CCDC187: variants seen among roughly 807,000 people sequenced by gnomAD.
CCDC187 encodes the protein coiled-coil domain-containing protein 187.
CCDC187 carries 32 observed loss-of-function variants against 38.0 expected under a neutral mutation model. The ratio of observed to expected loss-of-function variants is 0.84; its 90% confidence interval spans 0.64 to 1.13. The LOEUF is 1.13. CCDC187 is among the 50% of genes most tolerant of loss of function. The pLI, the probability that CCDC187 is intolerant of heterozygous loss-of-function variation, is 0.00. For missense variants in CCDC187, 707 were observed against 786.8 expected, an observed-to-expected ratio of 0.90 and a Z score of 1.21; for synonymous variants, 333 against 347.9, an observed-to-expected ratio of 0.96 and a Z score of 0.48.
Position 136,252,987 on chromosome 9 carries a change from GGA to G in CCDC187, c.*605_*606del, listed in dbSNP as rs1554759757. On this transcript the variant is annotated 3_prime_UTR_variant, in exon 26 of 26. Transcript: ENST00000638797. ...CTGGCGGCCAAGGGCACTTGGCCTGGGAGAGAGGCTGCCGGGGCTGCCAACCA... is the reference window on the plus strand; with the variant it reads ...CTGGCGGCCAAGGGCACTTGGCCTGGGAGAGGCTGCCGGGGCTGCCAACCA... 1 of 152,606 alleles carries G rather than the reference GGA, an allele frequency of 6.6e-6. No individual in the cohort carries two copies. The highest frequency in any genetic ancestry group is 1.5e-5 in the Non-Finnish European group (1 of 68,376). 9.5% of individuals were successfully genotyped at this position (152,606 alleles called of 1,614,324 possible). A position where few individuals can be genotyped will look rare whatever the true frequency, so the allele number is the denominator to read the frequency against.
At position 136,253,523 on chromosome 9, in the gene CCDC187, G is replaced by A. The variant is rs1459850087; in HGVS notation, c.*71C>T. The A allele has an allele frequency of 1.2e-6, 1 of 869,186 alleles. No individual in the cohort carries two copies. Among genetic ancestry groups the A allele is most frequent in the Non-Finnish European group, 1.4e-6 (1 of 723,836 alleles). The allele number at this position is 869,186 out of a possible 1,614,324, so 53.8% of individuals were successfully genotyped here. ...GCTGCCTCCGGCCTCATCCCCTGCT[G>A]CAGAACTGCATCTACCCAACTGGTC... On this transcript the variant is annotated 3_prime_UTR_variant, in exon 26 of 26. Transcript: ENST00000638797.
At chr9:136,261,471 T>C (rs1830677988) in intron 19 of CCDC187, among the ~76,000 whole-genome samples, 1 of 146,542 alleles carries the variant, frequency 6.8e-6, no homozygotes, top group South Asian at 2.1e-4. Flanking sequence ...TCTGCAACCA[T>C]ACATGTACCG....
intron 19 of CCDC187, among the ~76,000 whole-genome samples, chr9:136,261,510 CCCTGGGGGA>C (rs1830678728): frequency 6.6e-6 from 1 of 152,202 alleles, no homozygotes; most frequent in African/African-American, 2.4e-5. Context: ...TATAAGCAAA[CCCTGGGGGA>C]CCAAGGGGCG....
chr9:136,273,928 T>C (rs561510214), intron 14 of CCDC187, among the ~76,000 whole-genome samples: 1 of 152,350 alleles, frequency 6.6e-6, no homozygotes, highest in South Asian at 2.1e-4. Flanking sequence ...TGTGGTGGTC[T>C]TGCCGCTCCA....
At position 136,258,893 on chromosome 9, in the gene CCDC187, G is replaced by C; in HGVS notation, c.4366+39C>G. 1 of 985,582 alleles carries C rather than the reference G, an allele frequency of 1.0e-6. No individual in the cohort carries two copies. Among genetic ancestry groups the C allele is most frequent in the Non-Finnish European group, 1.2e-6 (1 of 830,066 alleles). The allele number at this position is 985,582 out of a possible 1,614,324, so 61.1% of individuals were successfully genotyped here. The stretch of plus-strand genomic sequence containing the variant: ...CTGCTGGATGTGGGGGAAGTGTCTG[G>C]CGCCGTGGAGGCCCACGCGGTGTTT... On this transcript the variant is annotated intron_variant, in intron 22 of 25. Coordinates refer to ENST00000638797, the MANE Select transcript of CCDC187 (RefSeq NM_001378188.1). This position sits in a 1 kb window ranked among gnomAD's most constrained non-coding sequence, Gnocchi z 4.3.
At chr9:136,292,994 G>A (rs1052599294) in intron 4 of CCDC187, among the ~76,000 whole-genome samples, 42 of 152,320 alleles carry the variant, frequency 2.8e-4, no homozygotes, top group African/African-American at 9.6e-4. Context: ...CACGGCCACC[G>A]ATGCCAACAC....
chr9:136,291,732 G>A (rs1451891921), intron 5 of CCDC187, 87 bp from the exon 6 acceptor site: 4 of 398,242 alleles, frequency 1.0e-5, no homozygotes, highest in African/African-American at 2.1e-5. Flanking sequence ...GGCAAGGAGT[G>A]TGGGGGCGGT....
chr9:136,267,927 C>T (rs1308688735), intron 15 of CCDC187, 122 bp downstream of exon 15: 3 of 985,418 alleles, frequency 3.0e-6, no homozygotes, highest in African/African-American at 3.5e-5. Flanking sequence ...CCGGAAGAAC[C>T]TCCCAACCCA....
Position 136,256,730 on chromosome 9 carries a change from C to A in CCDC187, c.4478G>T (p.Gly1493Val), listed in dbSNP as rs2131111904. 6.6e-6 allele frequency: 1 copy of A among 152,340 alleles called. No homozygotes were observed. The highest frequency in any genetic ancestry group is 2.1e-4 in the South Asian group (1 of 4,828). 9.4% of individuals were successfully genotyped at this position (152,340 alleles called of 1,614,324 possible). ...GCTGGCTTCTTGTGGGCCACAAGGA[C>A]CTTCTCTGCCGCAGGAGCGTCGGCT... is the stretch of plus-strand genomic sequence containing the variant. ...ERSRRSCGREGPCGPQEASQV... is the reference protein window; with the variant it reads ...ERSRRSCGREVPCGPQEASQV... Residue 1493 changes from glycine to valine, a missense_variant, in exon 23 of 26, where the codon GGT becomes GTT. Coordinates refer to ENST00000638797, the MANE Select transcript of CCDC187 (RefSeq NM_001378188.1).
In CCDC187 at chr9:136,254,499, C is replaced by T; in HGVS notation, c.5329G>A (p.Ala1777Thr). The T allele has an allele frequency of 1.0e-6, 1 of 985,472 alleles. No individual in the cohort carries two copies. Among genetic ancestry groups the T allele is most frequent in the Non-Finnish European group, 1.2e-6 (1 of 829,946 alleles). The allele number at this position is 985,472 out of a possible 1,614,324, so 61.0% of individuals were successfully genotyped here. Residue 1777 changes from alanine (A) to threonine (T), a missense_variant, in exon 26 of 26, where the codon GCC becomes ACC. Ala to Thr is a moderately conservative substitution (Grantham distance 58). Coordinates refer to ENST00000638797, the MANE Select transcript of CCDC187 (RefSeq NM_001378188.1). ...EEDLPEPCTG[A>T]KPASGSSLPA... ...AGGGAGCTCCCCGAGGCTGGCTTGGCCCCGGTACAGGGTTCTGGCAGGTCC... is the reference window on the plus strand; with the variant it reads ...AGGGAGCTCCCCGAGGCTGGCTTGGTCCCGGTACAGGGTTCTGGCAGGTCC...
At chr9:136,297,554 C>A (rs1831566061) in intron 4 of CCDC187, among the ~76,000 whole-genome samples, 160 bp downstream of exon 4, 1 of 152,126 alleles carries the variant, frequency 6.6e-6, no homozygotes, top group Non-Finnish European at 1.5e-5. Context: ...GACGCTCCAG[C>A]CGGGCCTGCC....
intron 24 of CCDC187, 72 bp from the exon 25 acceptor site, chr9:136,255,805 A>G: frequency 1.3e-6 from 1 of 782,324 alleles, no homozygotes; most frequent in South Asian, 5.7e-5. Flanking sequence ...GCCCACTGTC[A>G]GGGACCCCAC....
intron 19 of CCDC187, among the ~76,000 whole-genome samples, chr9:136,261,196 G>T (rs140044213): frequency 3.9e-5 from 6 of 152,068 alleles, no homozygotes; most frequent in Non-Finnish European, 7.4e-5. Flanking sequence ...ACCCCAAGGC[G>T]CCCAGCTCAC....
chr9:136,263,578 C>G (rs1303169007), intron 18 of CCDC187, 44 bp downstream of exon 18: 10 of 984,342 alleles, frequency 1.0e-5, no homozygotes, highest in Non-Finnish European at 1.2e-5. Context: ...GGGAAGGGGA[C>G]AGCATTTCTG....
intron 14 of CCDC187, among the ~76,000 whole-genome samples, chr9:136,270,072 T>C (rs1830814085): frequency 6.6e-6 from 1 of 152,170 alleles, no homozygotes; most frequent in African/African-American, 2.4e-5. Flanking sequence ...AATAAAAGAA[T>C]ACAAAGAGCT....
chr9:136,297,039 CAAAG>C (rs1192795758), intron 4 of CCDC187, among the ~76,000 whole-genome samples: 2 of 151,928 alleles, frequency 1.3e-5, no homozygotes, highest in African/African-American at 4.8e-5. Flanking sequence ...GAACGTGTGA[CAAAG>C]AAAGCAAGCA....
Position 136,291,127 on chromosome 9 carries a change from C to T in CCDC187, c.1486G>A (p.Gly496Arg), listed in dbSNP as rs2131307368. The change falls in exon 6 of 26, where the codon GGG (glycine) becomes AGG (arginine). Residue 496 changes from glycine (G) to arginine (R), a missense_variant. Coordinates refer to ENST00000638797, the MANE Select transcript of CCDC187 (RefSeq NM_001378188.1). Reference sequence around the variant, plus strand: ...GCCCTCTGCGGACTGCAGGCCTGCCCAGCCAGTGCACTCCAGGGCCTCTGG... The same window carrying T: ...GCCCTCTGCGGACTGCAGGCCTGCCTAGCCAGTGCACTCCAGGGCCTCTGG... The part of the protein sequence containing the change: ...FSQRPWSALA[G>R]QACSPQRAWG... 1 of 398,532 alleles carries T rather than the reference C, an allele frequency of 2.5e-6. No homozygotes were observed. The highest frequency in any genetic ancestry group is 2.1e-5 in the African/African-American group (1 of 48,706). 24.7% of individuals were successfully genotyped at this position (398,532 alleles called of 1,614,324 possible). A position where few individuals can be genotyped will look rare whatever the true frequency, so the allele number is the denominator to read the frequency against.
chr9:136,286,110 C>A lies in CCDC187; in HGVS notation c.2808G>T (p.Arg936Ser). ...SWEQQQSVSP[R>S]AHCESKPRGF... ...CTCGGGGCTTGCTCTCGCAGTGGGCCCTCGGGCTCACACTCTGCTGTTGCT... is the reference window on the plus strand; with the variant it reads ...CTCGGGGCTTGCTCTCGCAGTGGGCACTCGGGCTCACACTCTGCTGTTGCT... The change falls in exon 8 of 26, where the codon AGG (arginine) becomes AGT (serine). Residue 936 changes from arginine (R) to serine (S), a missense_variant. Physicochemically the swap from Arg to Ser is moderately radical, Grantham distance 110. Coordinates refer to ENST00000638797, the MANE Select transcript of CCDC187 (RefSeq NM_001378188.1). The A allele has an allele frequency of 2.5e-6, 1 of 398,550 alleles. No homozygotes were observed. The highest frequency in any genetic ancestry group is 4.4e-6 in the Non-Finnish European group (1 of 226,002). 24.7% of individuals were successfully genotyped at this position (398,550 alleles called of 1,614,324 possible). A position where few individuals can be genotyped will look rare whatever the true frequency, so the allele number is the denominator to read the frequency against.
intron 10 of CCDC187, among the ~76,000 whole-genome samples, chr9:136,279,933 T>TCTCCCCCTCTCGCCCC (rs1300607740): frequency 1.3e-5 from 2 of 152,210 alleles, no homozygotes; most frequent in Non-Finnish European, 2.9e-5. Context: ...CTTCTCGCCC[T>TCTCCCCCTCTCGCCCC]CCTGCCTTCC....
Sources: allele counts gnomAD v4.1 joint callset (sites outside exome capture counted in the v4.1 genomes callset), GRCh38; gene constraint gnomAD v4.1.1; non-coding constraint Gnocchi (gnomAD v3.1); transcripts MANE v1.5; gene names NCBI Gene and HGNC (gene_info 2026-07-23, HGNC 2026-07-21).